SELENOF: variants seen among roughly 807,000 people sequenced by gnomAD.
SELENOF encodes the protein 15 kDa selenoprotein.
SELENOF carries 16 observed loss-of-function variants against 20.5 expected under a neutral mutation model. The observed-to-expected ratio is 0.78, with a 90% CI of 0.53 to 1.19. SELENOF has a LOEUF of 1.19. Ranked by LOEUF, SELENOF falls within the 50% of genes most tolerant of loss-of-function variation. The probability of loss-of-function intolerance (pLI) is 0.00; values close to 1 mark genes in which losing one functional copy is unlikely to be tolerated. For missense variants in SELENOF, 215 were observed against 194.2 expected (o/e 1.11, Z -0.64); for synonymous variants, 78 against 74.5 (o/e 1.05, Z -0.24).
rs923346426 is a variant in SELENOF at position 86,903,422 on chromosome 1, T to C, written c.111A>G (p.Ser37=). Residue 37 remains serine, a synonymous_variant, in exon 2 of 5, where the codon TCA becomes TCG. Coordinates refer to ENST00000331835, the MANE Select transcript of SELENOF (RefSeq NM_004261.5). ...AGCCTAACTCTCTGCATGCCTCCGA[T>C]GAAAACTCTGCCCCAAAAGCAGACA... The part of the protein sequence containing the change: ...QAVSAFGAEF[S]SEACRELGFS... 5 of 1,607,140 alleles carry C rather than the reference T, an allele frequency of 3.1e-6. No individual in the cohort carries two copies. Among genetic ancestry groups the C allele is most frequent in the Middle Eastern group, 3.3e-4 (2 of 6,080 alleles).
At chr1:86,914,360 C>T, upstream of SELENOF, 3 of 543,732 alleles carry the variant, frequency 5.5e-6, no homozygotes, top group Non-Finnish European at 9.9e-6. Flanking sequence ...TTCTTTTATT[C>T]ACGACACTTC....
intron 2 of SELENOF, among the ~76,000 whole-genome samples, chr1:86,899,908 C>A (rs9433101): frequency 6.8e-6 from 1 of 146,024 alleles, no homozygotes; most frequent in African/African-American, 2.6e-5. Context: ...ACCTCCCAGA[C>A]GGGGTCGCGG....
At chr1:86,869,409 A>G (rs568661587) in intron 3 of SELENOF, among the ~76,000 whole-genome samples, 1 of 152,354 alleles carries the variant, frequency 6.6e-6, no homozygotes, top group South Asian at 2.1e-4. Flanking sequence ...TTTATGTGTA[A>G]AAAGCAAGGA....
chr1:86,896,104 T>C (rs1272835862), intron 2 of SELENOF, among the ~76,000 whole-genome samples: 2 of 152,084 alleles, frequency 1.3e-5, no homozygotes, highest in Non-Finnish European at 2.9e-5. Context: ...GGCAGGTGCC[T>C]GGAATCCCAG....
rs1659426942 is a variant in SELENOF at position 86,892,958 on chromosome 1, C to T, written c.252+10323G>A. 2.6e-5 allele frequency among the ~76,000 whole-genome samples: 4 copies of T among 152,016 alleles called. No individual in the cohort carries two copies. The South Asian group carries it at 6.3e-4, about 24-fold the overall frequency. On this transcript the variant is annotated intron_variant, in intron 2 of 4. Coordinates refer to ENST00000331835, the MANE Select transcript of SELENOF (RefSeq NM_004261.5). ...CTCATTCAACTTCTTAAAGTAACTC[C>T]GAAGCAGGTCTTACTATTAACATTT...
At chr1:86,873,207 A>C in intron 3 of SELENOF, among the ~76,000 whole-genome samples, 1 of 151,906 alleles carries the variant, frequency 6.6e-6, no homozygotes, top group East Asian at 2.0e-4. Flanking sequence ...CAGTGAGCCG[A>C]GATCCCGCCA....
intron 4 of SELENOF, among the ~76,000 whole-genome samples, chr1:86,865,414 T>C (rs1268833265): frequency 2.0e-5 from 3 of 152,176 alleles, no homozygotes; most frequent in African/African-American, 7.2e-5. Flanking sequence ...CCAGAATAGA[T>C]GGAACCTCCA....
At chr1:86,901,509 G>C (rs1659706383) in intron 2 of SELENOF, among the ~76,000 whole-genome samples, 1 of 152,004 alleles carries the variant, frequency 6.6e-6, no homozygotes, top group Non-Finnish European at 1.5e-5. Context: ...TTAGGGGCTA[G>C]GAGCAAAGTT....
chr1:86,882,247 C>CAAAAAAAAAAAAAAAAAA (rs61037512), intron 2 of SELENOF, among the ~76,000 whole-genome samples: 57 of 61,808 alleles, frequency 9.2e-4, no homozygotes, highest in East Asian at 2.5e-3. Flanking sequence ...GACTCTGTCT[C>CAAAAAAAAAAAAAAAAAA]AAAAAAAAAA....
chr1:86,884,364 C>T (rs1477444686), intron 2 of SELENOF, among the ~76,000 whole-genome samples: 1 of 151,898 alleles, frequency 6.6e-6, no homozygotes, highest in Non-Finnish European at 1.5e-5. Context: ...CACACACACA[C>T]ACACACACAC....
At chr1:86,871,337 TAG>T (rs1658761579) in intron 3 of SELENOF, among the ~76,000 whole-genome samples, 1 of 152,186 alleles carries the variant, frequency 6.6e-6, no homozygotes, top group South Asian at 2.1e-4. Context: ...CTTAGTATGT[TAG>T]AGTCATAAAG....
chr1:86,887,446 A>G (rs2102098679), intron 2 of SELENOF, among the ~76,000 whole-genome samples: 1 of 152,282 alleles, frequency 6.6e-6, no homozygotes, highest in Non-Finnish European at 1.5e-5. Flanking sequence ...CTGAGAAGAA[A>G]AGTTATAAAA....
chr1:86,872,678 G>A (rs1391556967), intron 3 of SELENOF, among the ~76,000 whole-genome samples: 1 of 152,072 alleles, frequency 6.6e-6, no homozygotes, highest in Non-Finnish European at 1.5e-5. Context: ...ACGAATGCGG[G>A]CAGATCACCT....
intron 1 of SELENOF, among the ~76,000 whole-genome samples, chr1:86,905,664 C>T (rs558653646): frequency 6.6e-6 from 1 of 152,290 alleles, no homozygotes; most frequent in Admixed American, 6.5e-5. Context: ...TTTCATATAT[C>T]TGTTGGATAA....
intron 1 of SELENOF, among the ~76,000 whole-genome samples, chr1:86,913,167 C>G (rs1442085680): frequency 6.6e-6 from 1 of 152,108 alleles, no homozygotes; most frequent in African/African-American, 2.4e-5. Context: ...CGGTGTAGTC[C>G]CTTAACACCC....
Position 86,863,588 on chromosome 1 carries a change from G to C in SELENOF, c.384C>G (p.Asp128Glu). The C allele has an allele frequency of 6.2e-7, 1 of 1,613,326 alleles. No homozygotes were observed. Among genetic ancestry groups the C allele is most frequent in the Non-Finnish European group, 8.5e-7 (1 of 1,179,648 alleles). Residue 128 changes from aspartate (D) to glutamate (E), a missense_variant, in exon 5 of 5, where the codon GAC (aspartate) becomes GAG (glutamate). By Grantham distance (45) the Asp-to-Glu change is conservative. Coordinates refer to ENST00000331835, the MANE Select transcript of SELENOF (RefSeq NM_004261.5). The stretch of plus-strand genomic sequence containing the variant: ...TGTCGTCCAAAAGCTTTAATACAGG[G>C]TCTGAACCACGGACATACTACAAAA... ...GLQIKYVRGS[D>E]PVLKLLDDNG...
intron 2 of SELENOF, among the ~76,000 whole-genome samples, chr1:86,891,043 C>T (rs1033917437): frequency 1.3e-5 from 2 of 150,616 alleles, no homozygotes; most frequent in East Asian, 3.9e-4. Context: ...AGCTTCCATG[C>T]CTATTTTTTC....
At chr1:86,876,842 G>A (rs903986119) in intron 3 of SELENOF, among the ~76,000 whole-genome samples, 1 of 152,206 alleles carries the variant, frequency 6.6e-6, no homozygotes, top group African/African-American at 2.4e-5. Context: ...CAGTTTCAAA[G>A]GCTAGGGCCA....
At chr1:86,877,768 T>C (rs1340974831) in intron 3 of SELENOF, among the ~76,000 whole-genome samples, 1 of 152,234 alleles carries the variant, frequency 6.6e-6, no homozygotes, top group East Asian at 1.9e-4. Flanking sequence ...CTTTTTTTAA[T>C]AAAGTTCTAC....
Sources: gnomAD v4.1 joint callset for allele counts (sites outside exome capture counted in the v4.1 genomes callset) on GRCh38, gnomAD v4.1.1 for gene constraint, MANE v1.5 for transcripts, NCBI Gene and HGNC (gene_info 2026-07-23, HGNC 2026-07-21) for gene names.